ENTREP2: variants seen among roughly 807,000 people sequenced by gnomAD.
ENTREP2 encodes the protein endosomal transmembrane epsin interactor 2.
chr15:29,637,230 C>T, the ENTREP2 span, among the ~76,000 whole-genome samples: 1 of 152,188 alleles, frequency 6.6e-6, no homozygotes, highest in Non-Finnish European at 1.5e-5. Context: ...TTACTATGCT[C>T]TGATACAATG....
the ENTREP2 span, among the ~76,000 whole-genome samples, chr15:29,538,665 G>A: frequency 1.3e-5 from 2 of 150,458 alleles, no homozygotes; most frequent in African/African-American, 4.9e-5. Flanking sequence ...AAAAAAGGTA[G>A]GGGCGTGGTG....
chr15:29,297,974 T>A, the ENTREP2 span, among the ~76,000 whole-genome samples: 1 of 152,216 alleles, frequency 6.6e-6, no homozygotes, highest in Non-Finnish European at 1.5e-5. Context: ...ACATGGTTTT[T>A]AAACTTGTGG....
chr15:29,268,668 G>C, the ENTREP2 span: 1 of 930,106 alleles, frequency 1.1e-6, no homozygotes, highest in African/African-American at 1.7e-5. Flanking sequence ...ACATCCTAAA[G>C]CTACACACAT....
chr15:29,228,330 AAAAC>A, the ENTREP2 span, among the ~76,000 whole-genome samples: 1 of 152,268 alleles, frequency 6.6e-6, no homozygotes, highest in South Asian at 2.1e-4. Flanking sequence ...AACAAAAACA[AAAAC>A]AAAAACAAAA....
chr15:29,162,000 G>A, the ENTREP2 span, among the ~76,000 whole-genome samples: 1,397 of 152,222 alleles, frequency 9.2e-3, 19 homozygotes, highest in African/African-American at 0.031. Flanking sequence ...CCCAAACTGC[G>A]GAAGTGGGAA....
At chr15:29,353,540 A>G in the ENTREP2 span, among the ~76,000 whole-genome samples, 8 of 152,232 alleles carry the variant, frequency 5.3e-5, no homozygotes, top group Admixed American at 2.0e-4. Flanking sequence ...ACATGTATGC[A>G]GCAGGCTAAC....
the ENTREP2 span, among the ~76,000 whole-genome samples, chr15:29,338,861 C>T: frequency 1.6e-3 from 243 of 151,984 alleles, 2 homozygotes; most frequent in African/African-American, 5.8e-3. Flanking sequence ...TTAAAATTTA[C>T]ATCATACAAT....
chr15:29,669,345 T>C, the ENTREP2 span, among the ~76,000 whole-genome samples: 1 of 152,088 alleles, frequency 6.6e-6, no homozygotes, highest in East Asian at 1.9e-4. Context: ...GTGGAATTGG[T>C]GGCTTTATAA....
the ENTREP2 span, chr15:29,264,947 A>G: frequency 6.6e-6 from 1 of 152,164 alleles, no homozygotes; most frequent in East Asian, 1.9e-4. Flanking sequence ...ATATCAGAAA[A>G]CTGTATGTTA....
chr15:29,598,465 A>G, the ENTREP2 span, among the ~76,000 whole-genome samples: 2 of 152,238 alleles, frequency 1.3e-5, no homozygotes, highest in Non-Finnish European at 2.9e-5. Context: ...TATTTAAGAG[A>G]ACATTTTGCA....
the ENTREP2 span, among the ~76,000 whole-genome samples, chr15:29,290,909 CACTTAATCCCAAGTG>C: frequency 6.6e-6 from 1 of 152,238 alleles, no homozygotes; most frequent in Non-Finnish European, 1.5e-5. Context: ...CAAAGGCTCT[CACTTAATCCCAAGTG>C]ACTTAATCCC....
At chr15:29,485,817 C>T in the ENTREP2 span, among the ~76,000 whole-genome samples, 3 of 152,134 alleles carry the variant, frequency 2.0e-5, no homozygotes, top group Non-Finnish European at 4.4e-5. Flanking sequence ...ATGATATATA[C>T]CATCCCAACC....
At chr15:29,413,827 A>G in the ENTREP2 span, among the ~76,000 whole-genome samples, 1 of 152,168 alleles carries the variant, frequency 6.6e-6, no homozygotes, top group Non-Finnish European at 1.5e-5. Flanking sequence ...ATGGAAAACA[A>G]AAAAAGGCAG....
chr15:29,598,919 G>A, the ENTREP2 span, among the ~76,000 whole-genome samples: 17 of 152,120 alleles, frequency 1.1e-4, no homozygotes, highest in African/African-American at 2.4e-4. Flanking sequence ...GATGGTCTCG[G>A]TCTCCTGACC....
the ENTREP2 span, among the ~76,000 whole-genome samples, chr15:29,355,614 A>C: frequency 1.3e-5 from 2 of 152,188 alleles, no homozygotes; most frequent in South Asian, 4.1e-4. Flanking sequence ...CTCATTATGT[A>C]GTGAAACTTA....
the ENTREP2 span, among the ~76,000 whole-genome samples, chr15:29,256,636 T>C: frequency 6.6e-6 from 1 of 152,354 alleles, no homozygotes; most frequent in South Asian, 2.1e-4. Flanking sequence ...TTCCTTTATA[T>C]GTGGTTACGC....
chr15:29,639,247 G>C, the ENTREP2 span, among the ~76,000 whole-genome samples: 1 of 152,156 alleles, frequency 6.6e-6, no homozygotes. Context: ...GGAGACCAAT[G>C]CTGTCCAGAA....
the ENTREP2 span, among the ~76,000 whole-genome samples, chr15:29,568,101 G>A: frequency 6.6e-6 from 1 of 152,188 alleles, no homozygotes; most frequent in South Asian, 2.1e-4. Flanking sequence ...AACACAGCAG[G>A]AACCAATCAT....
chr15:29,417,064 A>G, the ENTREP2 span, among the ~76,000 whole-genome samples: 4 of 152,230 alleles, frequency 2.6e-5, no homozygotes, highest in Non-Finnish European at 4.4e-5. Flanking sequence ...AAACCAGTTC[A>G]ACCATTGTGG....
Sources: gnomAD v4.1 joint callset for allele counts (sites outside exome capture counted in the v4.1 genomes callset) on GRCh38, gnomAD v4.1.1 for gene constraint, MANE v1.5 for transcripts, NCBI Gene and HGNC (gene_info 2026-07-23, HGNC 2026-07-21) for gene names.